Variants in DTD1 observed in about 807,000 individuals in gnomAD.
DTD1 encodes the protein D-tyrosyl-tRNA deacylase 1 homolog.
Under a neutral mutation model 25.6 loss-of-function variants are expected in DTD1, and 13 were observed. The ratio of observed to expected loss-of-function variants is 0.51; its 90% CI spans 0.33 to 0.81. The LOEUF (loss-of-function observed/expected upper bound fraction) is 0.81. Ranked by LOEUF, DTD1 falls within the 30% of genes least tolerant of loss-of-function variation. DTD1 has a pLI of 0.02. For missense variants in DTD1, 193 were observed against 266.4 expected (o/e 0.72, Z 1.92); for synonymous variants, 110 against 103.6 (o/e 1.06, Z -0.37).
chr20:18,702,700 G>A (rs2061110703), intron 4 of DTD1, among the ~76,000 whole-genome samples: 1 of 134,722 alleles, frequency 7.4e-6, no homozygotes, highest in Non-Finnish European at 1.5e-5. Context: ...GGTCACAAAG[G>A]TATCACTAGT....
At chr20:18,629,551 C>T (rs1421007350) in intron 4 of DTD1, among the ~76,000 whole-genome samples, 1 of 152,032 alleles carries the variant, frequency 6.6e-6, no homozygotes. Flanking sequence ...CCACCTAGGG[C>T]CTCAGCCTCC....
At chr20:18,698,487 T>A (rs974703878) in intron 4 of DTD1, 2 of 152,256 alleles carry the variant, frequency 1.3e-5, no homozygotes, top group Non-Finnish European at 2.9e-5. Flanking sequence ...GCGTTAAGCA[T>A]CCCCTGTGGA....
intron 5 of DTD1, among the ~76,000 whole-genome samples, chr20:18,747,383 G>T (rs147539659): frequency 1.2e-3 from 176 of 152,294 alleles, no homozygotes; most frequent in Middle Eastern, 3.4e-3. Flanking sequence ...CCAGCAGCCT[G>T]GGCAGGGCGG....
chr20:18,731,071 C>T (rs1250465894), intron 4 of DTD1, among the ~76,000 whole-genome samples: 1 of 152,214 alleles, frequency 6.6e-6, no homozygotes, highest in Non-Finnish European at 1.5e-5. Context: ...AAGGTTAGTG[C>T]CCTTGTTATG....
intron 4 of DTD1, among the ~76,000 whole-genome samples, chr20:18,712,372 T>A (rs929999802): frequency 2.8e-4 from 36 of 130,478 alleles, no homozygotes; most frequent in African/African-American, 1.1e-3. Context: ...ATCATTTTCA[T>A]AAGTACTGTG....
chr20:18,631,348 G>A, intron 4 of DTD1: 1 of 985,502 alleles, frequency 1.0e-6, no homozygotes, highest in Non-Finnish European at 1.2e-6. Context: ...TGAAGATGGG[G>A]CCTGTGTGAC....
At chr20:18,599,478 C>T (rs2122250970) in intron 3 of DTD1, among the ~76,000 whole-genome samples, 1 of 152,230 alleles carries the variant, frequency 6.6e-6, no homozygotes, top group Middle Eastern at 3.4e-3. Flanking sequence ...CCTGGCCAAA[C>T]ATCTGTGTTT....
chr20:18,657,743 C>T (rs1167880159), intron 4 of DTD1, among the ~76,000 whole-genome samples: 3 of 152,192 alleles, frequency 2.0e-5, no homozygotes, highest in African/African-American at 7.2e-5. Flanking sequence ...CATGTAGTTT[C>T]TGTGAGCCAG....
At chr20:18,697,077 A>C (rs1192368868) in intron 4 of DTD1, among the ~76,000 whole-genome samples, 1 of 151,724 alleles carries the variant, frequency 6.6e-6, no homozygotes, top group Non-Finnish European at 1.5e-5. Context: ...TAAAAATACA[A>C]AAAAATTGTC....
intron 4 of DTD1, among the ~76,000 whole-genome samples, chr20:18,682,671 C>A (rs1013154996): frequency 6.6e-6 from 1 of 152,200 alleles, no homozygotes; most frequent in Non-Finnish European, 1.5e-5. Context: ...TGTTGACAGT[C>A]AACTCATCTC....
intron 4 of DTD1, among the ~76,000 whole-genome samples, chr20:18,740,974 T>C (rs2061275482): frequency 6.6e-6 from 1 of 152,220 alleles, no homozygotes; most frequent in Admixed American, 6.5e-5. Context: ...CAAAGAACTA[T>C]GTAACAAGCA....
chr20:18,670,209 G>C lies in DTD1; in HGVS notation c.477+41976G>C, dbSNP rs1369770870. 2.0e-5 allele frequency among the ~76,000 whole-genome samples: 3 copies of C among 152,104 alleles called. No homozygotes were observed. The East Asian group carries it at 5.8e-4, about 29-fold the overall frequency. On this transcript the variant is annotated intron_variant, in intron 4 of 5. Transcript: ENST00000377452. ...CGGTGGCTCATGCGTATAATCCCAC[G>C]CTTTGGGAGGCTGAGGTGAGCTGAT...
chr20:18,644,643 T>A (rs370312114), intron 4 of DTD1, among the ~76,000 whole-genome samples: 9 of 152,222 alleles, frequency 5.9e-5, no homozygotes, highest in African/African-American at 1.7e-4. Flanking sequence ...AAGAGTTGCT[T>A]GGAACCTGTG....
At chr20:18,609,168 T>C (rs747949140) in intron 3 of DTD1, among the ~76,000 whole-genome samples, 19 of 151,620 alleles carry the variant, frequency 1.3e-4, no homozygotes, top group Non-Finnish European at 2.5e-4. Context: ...TTTGACAGGG[T>C]CTCACTCTGT....
intron 4 of DTD1, among the ~76,000 whole-genome samples, chr20:18,691,556 A>G (rs2061047490): frequency 6.6e-6 from 1 of 152,194 alleles, no homozygotes; most frequent in Non-Finnish European, 1.5e-5. Flanking sequence ...TGGGAGCTAA[A>G]CACTGAGTAC....
chr20:18,708,275 AT>A (rs1947534452), intron 4 of DTD1, among the ~76,000 whole-genome samples: 1 of 15,792 alleles, frequency 6.3e-5, no homozygotes, highest in Non-Finnish European at 1.3e-4. Context: ...TTATATATAT[AT>A]AATATATATT....
chr20:18,733,344 G>A (rs2122507696), intron 4 of DTD1, among the ~76,000 whole-genome samples: 1 of 152,374 alleles, frequency 6.6e-6, no homozygotes. Context: ...AGGGGCAGGT[G>A]CTCAGGTAGG....
At chr20:18,631,090 GCT>G in intron 4 of DTD1, 1 of 985,412 alleles carries the variant, frequency 1.0e-6, no homozygotes, top group Non-Finnish European at 1.2e-6. Flanking sequence ...ACAGCAGACA[GCT>G]CTCTCTCAGC....
intron 4 of DTD1, among the ~76,000 whole-genome samples, chr20:18,683,449 A>C (rs914342384): frequency 2.0e-5 from 3 of 152,206 alleles, no homozygotes; most frequent in Non-Finnish European, 4.4e-5. Context: ...AATTTTCCTT[A>C]GTACCCAACA....
Sources: allele counts gnomAD v4.1 joint callset (sites outside exome capture counted in the v4.1 genomes callset), GRCh38; gene constraint gnomAD v4.1.1; transcripts MANE v1.5; gene names NCBI Gene and HGNC (gene_info 2026-07-23, HGNC 2026-07-21).